The following SPECC1 variants were observed in gnomAD, a reference collection of about 807,000 sequenced individuals.
SPECC1 encodes the protein cytospin-B.
A neutral mutation model predicts 104.1 loss-of-function variants in SPECC1; 62 were observed. That is an observed-to-expected ratio of 0.60 (90% CI 0.49 to 0.74). SPECC1 has a LOEUF of 0.74. Among genes scored for constraint, SPECC1 ranks in the 30% least tolerant of loss-of-function variants. The pLI, the probability that SPECC1 is intolerant of heterozygous loss-of-function variation, is 0.00. For missense variants in SPECC1, 1,306 were observed against 1,310.5 expected, an observed-to-expected ratio of 1.00 and a Z score of 0.05; for synonymous variants, 513 against 501.6, an observed-to-expected ratio of 1.02 and a Z score of -0.30.
rs188315452 is a variant in SPECC1 at position 20,213,726 on chromosome 17, G to T, written c.1863+7814G>T. On this transcript the variant is annotated intron_variant, in intron 4 of 14. Coordinates refer to ENST00000395527, the MANE Select transcript of SPECC1 (RefSeq NM_001243439.2). ...GAATGCTGCCAGAAGAGAACAGCAG[G>T]TCCTAAGGCCAGAAAGCCTGGCCAC... Among the ~76,000 whole-genome samples the T allele has an allele frequency of 1.2e-4, 18 of 152,276 alleles. 1 individual carries two copies. Among genetic ancestry groups the T allele is most frequent in the Middle Eastern group, 3.4e-3 (1 of 294 alleles).
At chr17:20,269,575 A>G (rs976998132) in intron 12 of SPECC1, among the ~76,000 whole-genome samples, 7 of 152,162 alleles carry the variant, frequency 4.6e-5, no homozygotes, top group African/African-American at 1.4e-4. Flanking sequence ...GGCATGTGCC[A>G]CCACACCCAG....
intron 1 of SPECC1, among the ~76,000 whole-genome samples, chr17:20,071,315 A>T (rs1020206133): frequency 1.3e-5 from 2 of 151,994 alleles, no homozygotes; most frequent in African/African-American, 2.4e-5. Flanking sequence ...GAACCATGCC[A>T]TTGTAATTTT....
At chr17:20,076,715 TA>T (rs2046772804) in intron 1 of SPECC1, among the ~76,000 whole-genome samples, 1 of 152,216 alleles carries the variant, frequency 6.6e-6, no homozygotes, top group East Asian at 1.9e-4. Context: ...GATTACTGGG[TA>T]AAAGGGCATG....
chr17:20,289,625 A>G (rs1387360546), intron 12 of SPECC1, among the ~76,000 whole-genome samples: 2 of 152,152 alleles, frequency 1.3e-5, no homozygotes, highest in African/African-American at 2.4e-5. Context: ...ACACTTTTAT[A>G]CTGTTGGTGG....
chr17:20,289,363 G>T (rs912742496), intron 12 of SPECC1, among the ~76,000 whole-genome samples: 1 of 151,898 alleles, frequency 6.6e-6, no homozygotes, highest in African/African-American at 2.4e-5. Flanking sequence ...GGGCAGGGGC[G>T]CCATCTAGGC....
intron 7 of SPECC1, among the ~76,000 whole-genome samples, chr17:20,242,542 G>A (rs914732270): frequency 2.0e-5 from 3 of 152,200 alleles, no homozygotes; most frequent in Non-Finnish European, 4.4e-5. Flanking sequence ...AGTATGGGTT[G>A]CCGCCTTTTA....
In SPECC1 at chr17:20,316,952, AT is replaced by A; in HGVS notation, c.*2892del. Reference sequence around the variant, plus strand: ...CCAATGACTGTGGCCAAACTCCCCCATTTTTGTCTGTATCCTGCTCTCTTTA... The same window carrying A: ...CCAATGACTGTGGCCAAACTCCCCCATTTTGTCTGTATCCTGCTCTCTTTA... On this transcript the variant is annotated 3_prime_UTR_variant, in exon 15 of 15. Transcript: ENST00000395527. The A allele has an allele frequency of 9.3e-6, 2 of 215,352 alleles. No homozygotes were observed. The highest frequency in any genetic ancestry group is 1.9e-5 in the Non-Finnish European group (2 of 106,946). 13.3% of individuals were successfully genotyped at this position (215,352 alleles called of 1,614,324 possible).
At chr17:20,303,744 G>A (rs909318578) in intron 13 of SPECC1, among the ~76,000 whole-genome samples, 2 of 152,138 alleles carry the variant, frequency 1.3e-5, no homozygotes, top group South Asian at 4.1e-4. Context: ...CCTGAGGTCA[G>A]GAGTTCAAGA....
At chr17:20,238,144 G>C in intron 7 of SPECC1, 3 of 1,031,024 alleles carry the variant, frequency 2.9e-6, no homozygotes, top group Middle Eastern at 4.5e-4. Flanking sequence ...CCAGAATCTT[G>C]TTGGGTTAAA....
chr17:20,181,412 G>C (rs1475435956), intron 3 of SPECC1, among the ~76,000 whole-genome samples: 3 of 152,026 alleles, frequency 2.0e-5, no homozygotes, highest in Admixed American at 2.0e-4. Context: ...AAAGGAAAAA[G>C]TATTAGCAAA....
intron 1 of SPECC1, among the ~76,000 whole-genome samples, chr17:20,022,927 C>T (rs1422605823): frequency 6.6e-6 from 1 of 152,190 alleles, no homozygotes; most frequent in Non-Finnish European, 1.5e-5. Context: ...AGCATGGCAG[C>T]AGAATACTGA....
intron 1 of SPECC1, among the ~76,000 whole-genome samples, chr17:20,032,752 C>G (rs1185187115): frequency 6.6e-6 from 1 of 151,850 alleles, no homozygotes; most frequent in East Asian, 1.9e-4. Flanking sequence ...AAGTCTTTTT[C>G]TGTTAAATCT....
chr17:20,157,230 A>G lies in SPECC1; in HGVS notation c.283+46668A>G, dbSNP rs555416928. Among the ~76,000 whole-genome samples the G allele has an allele frequency of 4.5e-3, 680 of 152,018 alleles. 7 individuals are homozygous for G. Among genetic ancestry groups the G allele is most frequent in the Non-Finnish European group, 7.3e-3 (499 of 67,968 alleles). On this transcript the variant is annotated intron_variant, in intron 3 of 14. Coordinates refer to ENST00000395527, the MANE Select transcript of SPECC1 (RefSeq NM_001243439.2). ...GCCCCAGCCGCCCCACCTTGGCCCT[A>G]TCCTCGGGGTGGGGTGGAGGCGGGT...
intron 1 of SPECC1, among the ~76,000 whole-genome samples, chr17:20,082,053 C>G (rs1309406385): frequency 6.6e-6 from 1 of 152,228 alleles, no homozygotes; most frequent in Non-Finnish European, 1.5e-5. Flanking sequence ...ACCTGCCGTT[C>G]TGGGCCTCCG....
At chr17:20,272,557 C>T (rs2040444084) in intron 12 of SPECC1, among the ~76,000 whole-genome samples, 1 of 152,218 alleles carries the variant, frequency 6.6e-6, no homozygotes, top group African/African-American at 2.4e-5. Context: ...CCCCCAGCCT[C>T]TGGCAGCAGC....
intron 3 of SPECC1, among the ~76,000 whole-genome samples, chr17:20,176,762 T>C (rs753839439): frequency 5.9e-5 from 9 of 152,136 alleles, no homozygotes; most frequent in Non-Finnish European, 1.0e-4. Context: ...CTGATTGTCT[T>C]GCATCCCTGT....
chr17:20,071,601 A>G (rs1300553348), intron 1 of SPECC1, among the ~76,000 whole-genome samples: 3 of 152,204 alleles, frequency 2.0e-5, no homozygotes, highest in Admixed American at 6.5e-5. Flanking sequence ...AGAGCATGGT[A>G]TGCTTTTCAT....
At chr17:20,241,432 G>T (rs1232069517) in intron 7 of SPECC1, among the ~76,000 whole-genome samples, 2 of 152,112 alleles carry the variant, frequency 1.3e-5, no homozygotes. Flanking sequence ...GGCTTCTCAT[G>T]CTCCTCTCCA....
rs953763851 is a variant in SPECC1 at position 20,159,820 on chromosome 17, A to G, written c.284-44513A>G. On this transcript the variant is annotated intron_variant, in intron 3 of 14. Coordinates refer to ENST00000395527, the MANE Select transcript of SPECC1 (RefSeq NM_001243439.2). ...CCTAGTTAACAGTCCTTCAGTTTCCAACCAGGTTGTCATCACCTCATTGTC... is the reference window on the plus strand; with the variant it reads ...CCTAGTTAACAGTCCTTCAGTTTCCGACCAGGTTGTCATCACCTCATTGTC... Among the ~76,000 whole-genome samples, 14 of 152,312 alleles carry G rather than the reference A, an allele frequency of 9.2e-5. No individual in the cohort carries two copies. In the East Asian group the frequency reaches 2.7e-3, roughly 29 times the overall value.
Sources: gnomAD v4.1 joint callset for allele counts (sites outside exome capture counted in the v4.1 genomes callset) on GRCh38, gnomAD v4.1.1 for gene constraint, MANE v1.5 for transcripts, NCBI Gene and HGNC (gene_info 2026-07-23, HGNC 2026-07-21) for gene names.